Variants in MGAT4C observed in about 807,000 individuals in gnomAD.
The protein encoded by MGAT4C is MGAT4 family member C.
A neutral mutation model predicts 40.1 loss-of-function variants in MGAT4C; 19 were observed. The observed-to-expected ratio is 0.47, with a 90% CI of 0.33 to 0.70. MGAT4C has a LOEUF of 0.70. Among genes scored for constraint, MGAT4C ranks in the 30% least tolerant of loss-of-function variants. The pLI, the probability that MGAT4C is intolerant of heterozygous loss-of-function variation, is 0.02. For synonymous variants in MGAT4C, 181 were observed against 187.1 expected (o/e 0.97, Z 0.27); for missense variants, 491 against 563.2 (o/e 0.87, Z 1.30).
intron 4 of MGAT4C, among the ~76,000 whole-genome samples, chr12:86,279,953 T>C (rs761558433): frequency 4.6e-5 from 7 of 152,040 alleles, no homozygotes; most frequent in Non-Finnish European, 8.8e-5. Context: ...TTCCTTGTTA[T>C]TGATTTCTAG....
chr12:86,390,022 G>A (rs1294042060), intron 3 of MGAT4C, among the ~76,000 whole-genome samples: 1 of 152,132 alleles, frequency 6.6e-6, no homozygotes, highest in Non-Finnish European at 1.5e-5. Context: ...TAGAGAGCAT[G>A]CACTTTTTAA....
intron 2 of MGAT4C, among the ~76,000 whole-genome samples, chr12:86,697,912 C>G (rs1452484514): frequency 2.0e-5 from 3 of 152,042 alleles, no homozygotes; most frequent in Non-Finnish European, 4.4e-5. Flanking sequence ...TATAATGTAT[C>G]TTGTATATCA....
At chr12:86,639,050 T>G (rs1019426986) in intron 2 of MGAT4C, among the ~76,000 whole-genome samples, 1 of 151,782 alleles carries the variant, frequency 6.6e-6, no homozygotes, top group Non-Finnish European at 1.5e-5. Flanking sequence ...AAATAACAAT[T>G]TGAAAATCTC....
intron 2 of MGAT4C, among the ~76,000 whole-genome samples, chr12:86,028,840 T>C (rs540823320): frequency 6.6e-6 from 1 of 152,090 alleles, no homozygotes; most frequent in Admixed American, 6.6e-5. Context: ...GAAATCCATA[T>C]TATGACTAAG....
chr12:86,726,554 A>G lies in MGAT4C; in HGVS notation c.-229+655T>C, dbSNP rs139730533. 5.2e-3 allele frequency among the ~76,000 whole-genome samples: 786 copies of G among 152,266 alleles called. 3 individuals are homozygous for G. Among genetic ancestry groups the G allele is most frequent in the African/African-American group, 0.018 (768 of 41,564 alleles). Reference sequence around the variant, plus strand: ...ACTATACAATCTAAATGTTTCTCCTATTTTTGCCATACGTTCTAGTAACAC... The same window carrying G: ...ACTATACAATCTAAATGTTTCTCCTGTTTTTGCCATACGTTCTAGTAACAC... On this transcript the variant is annotated intron_variant, in intron 2 of 7. Coordinates refer to the MGAT4C transcript ENST00000548651.
chr12:86,253,006 A>G (rs926215114), intron 1 of MGAT4C, among the ~76,000 whole-genome samples: 9 of 151,974 alleles, frequency 5.9e-5, no homozygotes, highest in African/African-American at 2.2e-4. Context: ...AAACCCAAAT[A>G]TAATGTAAAA....
intron 2 of MGAT4C, among the ~76,000 whole-genome samples, chr12:86,624,166 T>A (rs537173358): frequency 6.6e-6 from 1 of 152,260 alleles, no homozygotes; most frequent in South Asian, 2.1e-4. Flanking sequence ...GGGGCAGTGA[T>A]ACCAACTGAG....
At chr12:86,175,795 C>CAAAAAAA (rs61441239) in intron 1 of MGAT4C, among the ~76,000 whole-genome samples, 1 of 83,668 alleles carries the variant, frequency 1.2e-5, no homozygotes, top group Non-Finnish European at 2.2e-5. Context: ...ACTAAAAATA[C>CAAAAAAA]AAAAAAAAAA....
chr12:86,509,520 C>G (rs1355392348), intron 2 of MGAT4C, among the ~76,000 whole-genome samples: 5 of 152,086 alleles, frequency 3.3e-5, no homozygotes, highest in Admixed American at 6.6e-5. Flanking sequence ...GTTCTTTTGG[C>G]TTAGGATTGA....
intron 1 of MGAT4C, among the ~76,000 whole-genome samples, chr12:86,139,317 C>G (rs1256505634): frequency 6.6e-6 from 1 of 152,088 alleles, no homozygotes; most frequent in East Asian, 1.9e-4. Flanking sequence ...CTTTTAGTTT[C>G]ATCAGTCATT....
chr12:86,118,446 T>G (rs892496246), intron 1 of MGAT4C, among the ~76,000 whole-genome samples: 5 of 152,152 alleles, frequency 3.3e-5, no homozygotes, highest in Admixed American at 6.5e-5. Context: ...AGTAATGATG[T>G]GGACAACATG....
intron 2 of MGAT4C, among the ~76,000 whole-genome samples, chr12:86,656,265 G>A (rs1188685846): frequency 1.3e-5 from 2 of 151,406 alleles, no homozygotes; most frequent in African/African-American, 4.9e-5. Context: ...ATATACTTTT[G>A]GAAATAAGTT....
At chr12:86,195,662 A>G (rs574734916) in intron 1 of MGAT4C, among the ~76,000 whole-genome samples, 32 of 152,288 alleles carry the variant, frequency 2.1e-4, no homozygotes, top group Admixed American at 3.3e-4. Context: ...CTCAGAGTTG[A>G]TAATATATTA....
At chr12:86,051,904 A>C (rs1892934987) in intron 1 of MGAT4C, among the ~76,000 whole-genome samples, 1 of 151,696 alleles carries the variant, frequency 6.6e-6, no homozygotes, top group Non-Finnish European at 1.5e-5. Context: ...ATGATGAAAA[A>C]TATTTTGAGT....
intron 4 of MGAT4C, among the ~76,000 whole-genome samples, chr12:86,309,377 T>C (rs1954013990): frequency 1.3e-5 from 2 of 152,176 alleles, no homozygotes; most frequent in African/African-American, 4.8e-5. Flanking sequence ...AGAAAATAAG[T>C]TTATTTTTCA....
intron 1 of MGAT4C, among the ~76,000 whole-genome samples, chr12:86,737,649 T>TA (rs968819037): frequency 6.6e-6 from 1 of 151,344 alleles, no homozygotes; most frequent in African/African-American, 2.4e-5. Context: ...GCTAGTTATA[T>TA]AAAATTTAAT....
intron 2 of MGAT4C, among the ~76,000 whole-genome samples, chr12:86,526,752 C>T (rs1246001180): frequency 6.6e-6 from 1 of 152,192 alleles, no homozygotes; most frequent in Admixed American, 6.5e-5. Flanking sequence ...GGCCATGCAC[C>T]ACTACAGATG....
Position 86,424,033 on chromosome 12 carries a change from G to A in MGAT4C, c.-120+11124C>T, listed in dbSNP as rs1956879468. 2.6e-5 allele frequency among the ~76,000 whole-genome samples: 4 copies of A among 152,240 alleles called. No homozygotes were observed. In the South Asian group the frequency reaches 8.3e-4, roughly 32 times the overall value. On this transcript the variant is annotated intron_variant, in intron 3 of 7. Coordinates refer to the MGAT4C transcript ENST00000548651. ...AGGTTAGCAAATCACACACAAGAAA[G>A]GCCTGGTTATTTGTGTAAGGATGAA... is the stretch of plus-strand genomic sequence containing the variant.
chr12:86,044,970 C>A (rs575870582), intron 2 of MGAT4C, among the ~76,000 whole-genome samples: 14 of 152,134 alleles, frequency 9.2e-5, no homozygotes, highest in African/African-American at 3.4e-4. Flanking sequence ...TTGCTCCTCA[C>A]CTGTTCAATC....
Sources: gnomAD v4.1 joint callset for allele counts (sites outside exome capture counted in the v4.1 genomes callset) on GRCh38, gnomAD v4.1.1 for gene constraint, MANE v1.5 for transcripts, NCBI Gene and HGNC (gene_info 2026-07-23, HGNC 2026-07-21) for gene names.